TTC28: variants seen among roughly 807,000 people sequenced by gnomAD.
TTC28 encodes the protein tetratricopeptide repeat domain 28.
A neutral mutation model predicts 198.0 loss-of-function variants in TTC28; 61 were observed. The ratio of observed to expected loss-of-function variants is 0.31; its 90% CI spans 0.25 to 0.38. The LOEUF (loss-of-function observed/expected upper bound fraction) is 0.38, where lower values mean the gene tolerates loss of function less well. Among genes scored for constraint, TTC28 ranks in the 10% least tolerant of loss-of-function variants. The pLI is 1.00. For synonymous variants in TTC28, 1,171 were observed against 1,297.8 expected, an observed-to-expected ratio of 0.90 and a Z score of 2.10; for missense variants, 2,678 against 3,164.0, an observed-to-expected ratio of 0.85 and a Z score of 3.69.
At chr22:28,249,189 ACT>A (rs1489889581) in intron 5 of TTC28, among the ~76,000 whole-genome samples, 1 of 151,944 alleles carries the variant, frequency 6.6e-6, no homozygotes, top group East Asian at 1.9e-4. Flanking sequence ...TCAAATCCCC[ACT>A]CTGTCACTTG....
intron 12 of TTC28, among the ~76,000 whole-genome samples, chr22:28,073,554 A>G (rs1274340526): frequency 6.6e-6 from 1 of 152,248 alleles, no homozygotes; most frequent in African/African-American, 2.4e-5. Flanking sequence ...GAAGGAAACA[A>G]GGAGCGTAAA....
chr22:28,510,750 G>A (rs942556099), intron 2 of TTC28, among the ~76,000 whole-genome samples: 1 of 152,078 alleles, frequency 6.6e-6, no homozygotes, highest in African/African-American at 2.4e-5. Context: ...CCTGTATCTA[G>A]AAAACCCCAC....
chr22:28,542,477 CATG>C (rs1354103905), intron 2 of TTC28, among the ~76,000 whole-genome samples: 1 of 152,108 alleles, frequency 6.6e-6, no homozygotes, highest in African/African-American at 2.4e-5. Flanking sequence ...CCAGGATAAT[CATG>C]ATAATTGTTA....
intron 2 of TTC28, among the ~76,000 whole-genome samples, chr22:28,611,116 T>C (rs917368962): frequency 2.0e-5 from 3 of 152,126 alleles, no homozygotes; most frequent in Admixed American, 6.5e-5. Context: ...CTGAAAGTGA[T>C]GAGGAAAATG....
intron 2 of TTC28, among the ~76,000 whole-genome samples, chr22:28,374,328 T>G (rs1601707708): frequency 6.6e-6 from 1 of 152,342 alleles, no homozygotes; most frequent in East Asian, 1.9e-4. Flanking sequence ...AAAATTATGT[T>G]TTTCCTTTCA....
chr22:28,043,495 G>T (rs1216621160), intron 12 of TTC28, among the ~76,000 whole-genome samples: 2 of 151,986 alleles, frequency 1.3e-5, no homozygotes, highest in African/African-American at 4.8e-5. Context: ...TTCCCACTCT[G>T]GGATTAGGAG....
chr22:28,134,034 G>A (rs1311979460), intron 6 of TTC28, among the ~76,000 whole-genome samples: 10 of 152,206 alleles, frequency 6.6e-5, no homozygotes, highest in African/African-American at 2.4e-4. Context: ...CGATCAGGCA[G>A]CAACATTTGC....
chr22:28,473,388 G>A (rs558870366), intron 2 of TTC28, among the ~76,000 whole-genome samples: 91 of 152,088 alleles, frequency 6.0e-4, no homozygotes, highest in Non-Finnish European at 1.1e-3. Flanking sequence ...CCAGATTGAG[G>A]ACTAGCTAAA....
chr22:28,586,483 T>A (rs193033664), intron 2 of TTC28, among the ~76,000 whole-genome samples: 3 of 151,986 alleles, frequency 2.0e-5, no homozygotes, highest in South Asian at 2.1e-4. Flanking sequence ...TATGGAAAGA[T>A]AGACATCAAG....
chr22:28,506,970 A>T (rs189671918), intron 2 of TTC28, among the ~76,000 whole-genome samples: 2 of 152,368 alleles, frequency 1.3e-5, no homozygotes, highest in East Asian at 3.9e-4. Context: ...CAACACAAAA[A>T]TACTGAAAAC....
chr22:28,552,765 CT>C (rs2049700678), intron 2 of TTC28, among the ~76,000 whole-genome samples: 1 of 142,638 alleles, frequency 7.0e-6, no homozygotes. Context: ...CCCTCTCCGC[CT>C]CCCCCTCCCC....
chr22:28,218,586 T>C (rs1927596065), intron 5 of TTC28, among the ~76,000 whole-genome samples: 1 of 151,996 alleles, frequency 6.6e-6, no homozygotes, highest in Non-Finnish European at 1.5e-5. Flanking sequence ...AAAAGTTCTA[T>C]AAAAAAATAC....
chr22:28,266,735 T>C (rs2147314171), intron 5 of TTC28, among the ~76,000 whole-genome samples: 2 of 152,260 alleles, frequency 1.3e-5, no homozygotes, highest in South Asian at 4.1e-4. Flanking sequence ...GGAACCCAGC[T>C]CAGATCAAAG....
At chr22:28,336,132 G>A (rs983596752) in intron 2 of TTC28, among the ~76,000 whole-genome samples, 4 of 152,132 alleles carry the variant, frequency 2.6e-5, no homozygotes, top group African/African-American at 9.7e-5. Flanking sequence ...TTTATATGCT[G>A]GATTACGTTT....
intron 1 of TTC28, among the ~76,000 whole-genome samples, chr22:28,633,619 C>T (rs2051216526): frequency 6.6e-6 from 1 of 152,132 alleles, no homozygotes; most frequent in Admixed American, 6.5e-5. Flanking sequence ...ACAAGCAAGA[C>T]CCTGTCTCAG....
intron 5 of TTC28, among the ~76,000 whole-genome samples, chr22:28,189,517 A>C (rs1190436999): frequency 6.6e-6 from 1 of 151,930 alleles, no homozygotes; most frequent in African/African-American, 2.4e-5. Context: ...TCAAAAACTT[A>C]AGAAATTTTT....
At chr22:28,492,798 T>C (rs1481416146) in intron 2 of TTC28, among the ~76,000 whole-genome samples, 1 of 152,178 alleles carries the variant, frequency 6.6e-6, no homozygotes, top group Non-Finnish European at 1.5e-5. Flanking sequence ...TCTCTAAATT[T>C]CCTTTCTCCA....
chr22:28,303,018 C>A (rs929713338), intron 3 of TTC28, among the ~76,000 whole-genome samples: 1 of 152,222 alleles, frequency 6.6e-6, no homozygotes, highest in Admixed American at 6.5e-5. Flanking sequence ...ATAAAATCAG[C>A]TTCCCTGGGT....
intron 2 of TTC28, among the ~76,000 whole-genome samples, chr22:28,308,440 A>T (rs2045187494): frequency 2.0e-5 from 3 of 152,162 alleles, no homozygotes; most frequent in Admixed American, 2.0e-4. Flanking sequence ...AAAATGTCTT[A>T]GTTACTGATT....
Sources: gnomAD v4.1 joint callset for allele counts (sites outside exome capture counted in the v4.1 genomes callset) on GRCh38, gnomAD v4.1.1 for gene constraint, MANE v1.5 for transcripts, NCBI Gene and HGNC (gene_info 2026-07-23, HGNC 2026-07-21) for gene names.